The following CREB5 variants were observed in gnomAD, a reference collection of about 807,000 sequenced individuals.
CREB5 encodes cAMP responsive element binding protein 5.
CREB5 carries 19 observed loss-of-function variants against 57.1 expected under a neutral mutation model. The observed-to-expected ratio is 0.33, with a 90% CI of 0.23 to 0.49. The LOEUF is 0.49. CREB5 is among the 20% of genes least tolerant of loss of function. CREB5 has a pLI of 0.99. For synonymous variants in CREB5, 238 were observed against 238.3 expected (o/e 1.00, Z 0.01); for missense variants, 579 against 671.6 (o/e 0.86, Z 1.52).
At chr7:28,809,139 C>A in intron 8 of CREB5, 48 bp from the exon 9 acceptor site, 1 of 1,528,386 alleles carries the variant, frequency 6.5e-7, no homozygotes, top group South Asian at 1.3e-5. Flanking sequence ...CCTTACCTAA[C>A]CACGTCCTTC....
intron 1 of CREB5, among the ~76,000 whole-genome samples, chr7:28,420,928 G>C (rs772384730): frequency 2.6e-5 from 4 of 152,058 alleles, no homozygotes; most frequent in African/African-American, 9.7e-5. Context: ...GGGGAAAATA[G>C]AGTGTACAGA....
chr7:28,315,222 C>T (rs1159926992), intron 1 of CREB5, among the ~76,000 whole-genome samples: 2 of 152,244 alleles, frequency 1.3e-5, no homozygotes, highest in Admixed American at 1.3e-4. Context: ...TCACCACCAA[C>T]AGGGACTACA....
rs544702467 is a variant in CREB5, at chr7:28,824,049, C to G, written c.*4770C>G. On this transcript the variant is annotated 3_prime_UTR_variant, in exon 11 of 11. Transcript: ENST00000357727. ...TTGCCTTTGCTCTCCTTTACAATACCCCCCACCCCTCCTCCAAGGCTCTGA... is the reference window on the plus strand; with the variant it reads ...TTGCCTTTGCTCTCCTTTACAATACGCCCCACCCCTCCTCCAAGGCTCTGA... The G allele has an allele frequency of 2.0e-5, 3 of 152,124 alleles. No individual in the cohort carries two copies. The highest frequency in any genetic ancestry group is 4.4e-5 in the Non-Finnish European group (3 of 68,042). 9.4% of individuals were successfully genotyped at this position (152,124 alleles called of 1,614,324 possible).
At chr7:28,764,163 T>C (rs1369718971) in intron 7 of CREB5, among the ~76,000 whole-genome samples, 1 of 152,148 alleles carries the variant, frequency 6.6e-6, no homozygotes, top group Non-Finnish European at 1.5e-5. Flanking sequence ...GAAGAAGTTT[T>C]CTTCAAGGAC....
intron 1 of CREB5, among the ~76,000 whole-genome samples, chr7:28,338,399 A>G (rs1785869511): frequency 6.6e-6 from 1 of 152,174 alleles, no homozygotes; most frequent in Non-Finnish European, 1.5e-5. Context: ...ATACTATCCC[A>G]GGGAAAAAGT....
At chr7:28,719,018 C>A in intron 6 of CREB5, 139 bp downstream of exon 6, 8 of 1,387,348 alleles carry the variant, frequency 5.8e-6, no homozygotes, top group Non-Finnish European at 7.7e-6. Flanking sequence ...GAGCTGTGTG[C>A]AATTTTGCTT....
chr7:28,582,410 G>A (rs1368105357), intron 5 of CREB5, among the ~76,000 whole-genome samples: 2 of 152,174 alleles, frequency 1.3e-5, no homozygotes, highest in African/African-American at 4.8e-5. Context: ...TGTATTGTTT[G>A]TATCAGTTCT....
chr7:28,486,212 A>G (rs1022650011), intron 1 of CREB5, among the ~76,000 whole-genome samples: 2 of 152,146 alleles, frequency 1.3e-5, no homozygotes, highest in Admixed American at 6.5e-5. Flanking sequence ...CTGACTGACA[A>G]TGTTATCTCA....
chr7:28,494,225 T>G (rs1791922069), intron 2 of CREB5, among the ~76,000 whole-genome samples: 1 of 152,220 alleles, frequency 6.6e-6, no homozygotes, highest in South Asian at 2.1e-4. Flanking sequence ...TGCACATGGT[T>G]TTCTCATATG....
chr7:28,662,423 G>C (rs1404393729), intron 5 of CREB5, among the ~76,000 whole-genome samples: 1 of 152,184 alleles, frequency 6.6e-6, no homozygotes. Flanking sequence ...CGCAATGTGG[G>C]TTAAGTGCGC....
chr7:28,554,961 T>A (rs934984937), intron 4 of CREB5, among the ~76,000 whole-genome samples: 1 of 152,144 alleles, frequency 6.6e-6, no homozygotes, highest in African/African-American at 2.4e-5. Flanking sequence ...TTGGATCATG[T>A]CACAAAAATT....
intron 1 of CREB5, among the ~76,000 whole-genome samples, chr7:28,327,719 C>T (rs1225518194): frequency 6.6e-6 from 1 of 152,112 alleles, no homozygotes; most frequent in Non-Finnish European, 1.5e-5. Context: ...AAACATTCTT[C>T]TTCCTTTTAA....
At chr7:28,801,922 T>C (rs1423861589) in intron 7 of CREB5, among the ~76,000 whole-genome samples, 1 of 150,748 alleles carries the variant, frequency 6.6e-6, no homozygotes, top group Non-Finnish European at 1.5e-5. Context: ...CTGTCTCTAC[T>C]AAAAATACAA....
intron 4 of CREB5, among the ~76,000 whole-genome samples, chr7:28,566,783 A>C (rs1212900021): frequency 2.0e-5 from 3 of 152,194 alleles, no homozygotes; most frequent in Non-Finnish European, 2.9e-5. Context: ...GAATTTGCAG[A>C]TTTTGTGTGT....
chr7:28,507,697 A>G lies in CREB5; in HGVS notation c.251A>G (p.His84Arg), dbSNP rs770302370. The change falls in exon 4 of 11, where the codon CAC (histidine) becomes CGC (arginine). Residue 84 changes from histidine to arginine, a missense_variant. Physicochemically the swap from His to Arg is conservative, Grantham distance 29. Around this residue, in one of 3 missense-constraint regions of CREB5, gnomAD observed 459 missense variants for 515.7 expected, o/e 0.89. Transcript: ENST00000357727. ...LFSELDCSLE[H>R]EFRKAQEEES... ...AGCGAGCTGGACTGCTCCCTGGAGC[A>G]CGAGTTCAGGAAGGCTCAGGAAGAG... 6.2e-7 allele frequency: 1 copy of G among 1,611,384 alleles called. No individual in the cohort carries two copies. Among genetic ancestry groups the G allele is most frequent in the Non-Finnish European group, 8.5e-7 (1 of 1,177,758 alleles).
intron 1 of CREB5, among the ~76,000 whole-genome samples, chr7:28,426,318 G>T (rs577560837): frequency 1.3e-5 from 2 of 152,330 alleles, no homozygotes; most frequent in Non-Finnish European, 2.9e-5. Flanking sequence ...TCCCAGTTTT[G>T]TCTGGTCGCT....
intron 4 of CREB5, among the ~76,000 whole-genome samples, chr7:28,566,105 C>T (rs566644144): frequency 6.6e-6 from 1 of 152,190 alleles, no homozygotes; most frequent in South Asian, 2.1e-4. Flanking sequence ...GTCAATTTTC[C>T]CCCTAAAATG....
At chr7:28,517,675 C>G (rs982607523) in intron 4 of CREB5, among the ~76,000 whole-genome samples, 1 of 152,138 alleles carries the variant, frequency 6.6e-6, no homozygotes, top group Non-Finnish European at 1.5e-5. Flanking sequence ...AGGCTGTTTT[C>G]TTTGGGTGGC....
chr7:28,733,606 T>G lies in CREB5; in HGVS notation c.702+9274T>G, dbSNP rs888058978. Reference sequence around the variant, plus strand: ...TCCCCAGGTGGGCAGGAGCCATGCCTTCTTCTAGGACAGACTCCACTTGCA... The same window carrying G: ...TCCCCAGGTGGGCAGGAGCCATGCCGTCTTCTAGGACAGACTCCACTTGCA... On this transcript the variant is annotated intron_variant, in intron 7 of 10. Coordinates refer to ENST00000357727, the MANE Select transcript of CREB5 (RefSeq NM_182898.4). Among the ~76,000 whole-genome samples the G allele has an allele frequency of 2.0e-5, 3 of 152,310 alleles. No individual in the cohort carries two copies. The East Asian group carries it at 5.8e-4, about 29-fold the overall frequency.
Sources: allele counts gnomAD v4.1 joint callset (sites outside exome capture counted in the v4.1 genomes callset), GRCh38; gene constraint gnomAD v4.1.1; regional missense constraint gnomAD v4.1.1; transcripts MANE v1.5; gene names NCBI Gene and HGNC (gene_info 2026-07-23, HGNC 2026-07-21).